The following DNAJC13 variants were observed in gnomAD, a reference collection of about 807,000 sequenced individuals.
The protein encoded by DNAJC13 is dnaJ homolog subfamily C member 13.
A neutral mutation model predicts 290.5 loss-of-function variants in DNAJC13; 75 were observed. The ratio of observed to expected loss-of-function variants is 0.26; its 90% CI spans 0.21 to 0.31. DNAJC13 has a LOEUF of 0.31. DNAJC13 is among the 10% of genes least tolerant of loss of function. The pLI is 1.00. For missense variants in DNAJC13, 2,260 were observed against 2,674.5 expected (o/e 0.85, Z 3.42); for synonymous variants, 862 against 892.0 (o/e 0.97, Z 0.60).
At chr3:132,534,455 A>G (rs1165019333) in intron 55 of DNAJC13, among the ~76,000 whole-genome samples, 1 of 152,166 alleles carries the variant, frequency 6.6e-6, no homozygotes, top group Non-Finnish European at 1.5e-5. Context: ...CAGGAGTTCC[A>G]GACCAGCGTG....
intron 47 of DNAJC13, 80 bp from the exon 48 acceptor site, chr3:132,516,624 A>G: frequency 6.6e-7 from 1 of 1,520,628 alleles, no homozygotes; most frequent in Non-Finnish European, 9.0e-7. Flanking sequence ...AACTACATTC[A>G]GTTGAAATAT....
intron 50 of DNAJC13, 105 bp from the exon 51 acceptor site, chr3:132,523,435 C>T (rs1936157965): frequency 7.6e-7 from 1 of 1,321,588 alleles, no homozygotes; most frequent in Non-Finnish European, 1.0e-6. Flanking sequence ...TATATTATGG[C>T]TGTTTGTGGA....
In DNAJC13 at chr3:132,440,201, G is replaced by A. The variant is rs569481140; in HGVS notation, c.68+5583G>A. On this transcript the variant is annotated intron_variant, in intron 2 of 55. Coordinates refer to ENST00000260818, the MANE Select transcript of DNAJC13 (RefSeq NM_015268.4). Reference sequence around the variant, plus strand: ...GAACCCAGGAGGCGGAGGTTGCAGTGAGCTGAGATTACGCCGCTACACTCC... The same window carrying A: ...GAACCCAGGAGGCGGAGGTTGCAGTAAGCTGAGATTACGCCGCTACACTCC... 3.9e-5 allele frequency among the ~76,000 whole-genome samples: 6 copies of A among 152,328 alleles called. No individual in the cohort carries two copies. In the South Asian group the frequency reaches 1.2e-3, roughly 32 times the overall value.
At chr3:132,531,473 T>G (rs1936412404) in intron 55 of DNAJC13, among the ~76,000 whole-genome samples, 1 of 152,196 alleles carries the variant, frequency 6.6e-6, no homozygotes, top group African/African-American at 2.4e-5. Flanking sequence ...GAATAACAGA[T>G]TAAAACTCCA....
intron 22 of DNAJC13, among the ~76,000 whole-genome samples, chr3:132,477,556 C>A (rs1422014884): frequency 6.6e-6 from 1 of 152,080 alleles, no homozygotes; most frequent in Non-Finnish European, 1.5e-5. Context: ...TTTATTCCTC[C>A]TTTTTTAATT....
intron 2 of DNAJC13, among the ~76,000 whole-genome samples, chr3:132,438,416 C>G (rs1939434379): frequency 6.6e-6 from 1 of 152,050 alleles, no homozygotes; most frequent in Non-Finnish European, 1.5e-5. Context: ...AAATAAATGG[C>G]CAACATTAAA....
intron 1 of DNAJC13, among the ~76,000 whole-genome samples, chr3:132,427,100 T>TGTGC (rs1939112523): frequency 7.1e-6 from 1 of 139,876 alleles, no homozygotes. Flanking sequence ...TGTGTGTGTG[T>TGTGC]GTGCACGTGT....
intron 51 of DNAJC13, 59 bp downstream of exon 51, chr3:132,523,772 TTC>T: frequency 6.6e-7 from 1 of 1,516,424 alleles, no homozygotes; most frequent in Non-Finnish European, 8.9e-7. Flanking sequence ...CTGATGGTGT[TTC>T]TCTTACAACC....
Position 132,523,627 on chromosome 3 carries a change from C to G in DNAJC13, c.5974C>G (p.Pro1992Ala). 4.3e-6 allele frequency: 7 copies of G among 1,614,086 alleles called. No individual in the cohort carries two copies. The highest frequency in any genetic ancestry group is 5.9e-6 in the Non-Finnish European group (7 of 1,179,970). ...CTTCTTGAGGATCTTTATTGCACAACCAGCCTGGGTTCTAAGAAAGCCTAG... is the reference window on the plus strand; with the variant it reads ...CTTCTTGAGGATCTTTATTGCACAAGCAGCCTGGGTTCTAAGAAAGCCTAG... ...GVFLRIFIAQ[P>A]AWVLRKPREF... Residue 1992 changes from proline (P) to alanine (A), a missense_variant, in exon 51 of 56, where the codon CCA becomes GCA. By Grantham distance (27) the Pro-to-Ala change is conservative. This residue lies in a region of DNAJC13 where 1,494 missense variants were observed against 1,693.7 expected (regional missense o/e 0.88). Transcript: ENST00000260818.
rs752683837 is a variant in DNAJC13 at position 132,526,222 on chromosome 3, C to G, written c.6322C>G (p.Leu2108Val). 6.2e-7 allele frequency: 1 copy of G among 1,613,908 alleles called. No individual in the cohort carries two copies. The highest frequency in any genetic ancestry group is 2.2e-5 in the East Asian group (1 of 44,866). The change falls in exon 53 of 56, where the codon CTA becomes GTA. Residue 2108 changes from leucine to valine, a missense_variant. This residue lies in a region of DNAJC13 where 1,494 missense variants were observed against 1,693.7 expected (regional missense o/e 0.88). Transcript: ENST00000260818. ...GAAAAAGCGAGCAGATACTGTTGGT[C>G]TAGCCTGTGAAGCAATTAATCGAAT... is the stretch of plus-strand genomic sequence containing the variant. ...GMKKRADTVG[L>V]ACEAINRMFQ...
chr3:132,462,382 T>C, intron 15 of DNAJC13, 85 bp from the exon 16 acceptor site: 1 of 1,307,180 alleles, frequency 7.7e-7, no homozygotes, highest in African/African-American at 1.5e-5. Flanking sequence ...TGTAAAAATG[T>C]ATACCCTTCT....
chr3:132,439,940 C>A (rs1461374450), intron 2 of DNAJC13, among the ~76,000 whole-genome samples: 1 of 152,122 alleles, frequency 6.6e-6, no homozygotes, highest in African/African-American at 2.4e-5. Flanking sequence ...TAATTTTGTT[C>A]TTTGTTTTGA....
intron 31 of DNAJC13, among the ~76,000 whole-genome samples, chr3:132,489,354 C>G (rs867397017): frequency 6.6e-6 from 1 of 152,042 alleles, no homozygotes; most frequent in Non-Finnish European, 1.5e-5. Flanking sequence ...CTGAGTCTTA[C>G]ATCGTCAGCT....
At chr3:132,500,724 T>C in intron 38 of DNAJC13, 70 bp from the exon 39 acceptor site, 1 of 1,591,550 alleles carries the variant, frequency 6.3e-7, no homozygotes, top group Non-Finnish European at 8.6e-7. Context: ...GCTGGTTTGA[T>C]TTCTATGTGT....
intron 1 of DNAJC13, among the ~76,000 whole-genome samples, chr3:132,427,501 CAG>C (rs1291700892): frequency 2.6e-5 from 4 of 151,966 alleles, no homozygotes; most frequent in Non-Finnish European, 1.5e-5. Flanking sequence ...ATAATAATGA[CAG>C]TAACAATAAT....
chr3:132,441,616 C>T (rs866351394), intron 2 of DNAJC13, among the ~76,000 whole-genome samples: 21 of 152,220 alleles, frequency 1.4e-4, no homozygotes, highest in Middle Eastern at 3.4e-3. Flanking sequence ...TTATAGTAAA[C>T]GTAAACTTTC....
At chr3:132,466,839 G>T (rs1020348502) in intron 19 of DNAJC13, among the ~76,000 whole-genome samples, 6 of 151,938 alleles carry the variant, frequency 3.9e-5, no homozygotes, top group Admixed American at 1.3e-4. Flanking sequence ...TATAAGGTTG[G>T]GCCATCCATG....
At chr3:132,442,123 A>G (rs1268936509) in intron 2 of DNAJC13, among the ~76,000 whole-genome samples, 2 of 138,710 alleles carry the variant, frequency 1.4e-5, no homozygotes, top group Non-Finnish European at 3.1e-5. Context: ...ATAAAATGCC[A>G]TATGTTAAAA....
chr3:132,532,912 AATTATTATT>A (rs78689169), intron 55 of DNAJC13, among the ~76,000 whole-genome samples: 3 of 141,828 alleles, frequency 2.1e-5, no homozygotes, highest in Admixed American at 7.0e-5. Context: ...TAATTTTTGT[AATTATTATT>A]ATTATTATTA....
Sources: allele counts gnomAD v4.1 joint callset (sites outside exome capture counted in the v4.1 genomes callset), GRCh38; gene constraint gnomAD v4.1.1; regional missense constraint gnomAD v4.1.1; transcripts MANE v1.5; gene names NCBI Gene and HGNC (gene_info 2026-07-23, HGNC 2026-07-21).